Variants in KIF13B observed in about 807,000 individuals in gnomAD.
KIF13B encodes kinesin family member 13B.
KIF13B carries 127 observed loss-of-function variants against 222.0 expected under a neutral mutation model. That is an observed-to-expected ratio of 0.57 (90% confidence interval 0.50 to 0.66). The LOEUF (loss-of-function observed/expected upper bound fraction) is 0.66, where lower values mean the gene tolerates loss of function less well. KIF13B is among the 30% of genes least tolerant of loss of function. KIF13B has a pLI of 0.00. For synonymous variants in KIF13B, 976 were observed against 919.0 expected (o/e 1.06, Z -1.12); for missense variants, 2,173 against 2,379.0 (o/e 0.91, Z 1.80).
At chr8:29,224,224 C>T (rs1317734572) in intron 2 of KIF13B, among the ~76,000 whole-genome samples, 9 of 151,250 alleles carry the variant, frequency 6.0e-5, no homozygotes, top group African/African-American at 9.7e-5. Context: ...AGGATGGTCT[C>T]GATCTCCTGA....
chr8:29,126,575 A>G lies in KIF13B; in HGVS notation c.3223-64T>C, dbSNP rs902170226. 5.8e-5 allele frequency: 55 copies of G among 942,374 alleles called. No homozygotes were observed. The East Asian group carries it at 1.3e-3, about 22-fold the overall frequency. The allele number at this position is 942,374 out of a possible 1,614,324, so 58.4% of individuals were successfully genotyped here. On this transcript the variant is annotated intron_variant, in intron 25 of 39. Transcript: ENST00000524189. ...ATTTATCCAAGAATCAGGCTACGCT[A>G]AACAATCTGACTCTTTACCCATAAT...
chr8:29,086,493 C>G (rs1808054035), intron 37 of KIF13B, among the ~76,000 whole-genome samples: 1 of 152,054 alleles, frequency 6.6e-6, no homozygotes, highest in Admixed American at 6.6e-5. Flanking sequence ...TGCACTCCAG[C>G]CTGAGTGATA....
At chr8:29,119,784 C>T (rs1448295823) in intron 29 of KIF13B, among the ~76,000 whole-genome samples, 1 of 152,162 alleles carries the variant, frequency 6.6e-6, no homozygotes, top group African/African-American at 2.4e-5. Flanking sequence ...ACACCTTCCA[C>T]CCCATCAAGC....
chr8:29,220,496 C>A (rs1367540612), intron 2 of KIF13B, among the ~76,000 whole-genome samples: 1 of 151,662 alleles, frequency 6.6e-6, no homozygotes, highest in African/African-American at 2.4e-5. Context: ...GAGGGGAAGG[C>A]GACAGCTGGT....
chr8:29,263,044 G>A lies in KIF13B; in HGVS notation c.-10C>T, dbSNP rs978174646. ...CTTTGGAGTCCCCCATCCTGCAGCC[G>A]CCGAGGAACTCGTTCGGCTTCCGTC... On this transcript the variant is annotated 5_prime_UTR_variant, in exon 1 of 40. Transcript: ENST00000524189. 11 of 1,588,224 alleles carry A rather than the reference G, an allele frequency of 6.9e-6. No homozygotes were observed. The highest frequency in any genetic ancestry group is 4.1e-5 in the African/African-American group (3 of 72,718).
intron 10 of KIF13B, among the ~76,000 whole-genome samples, chr8:29,168,302 T>C (rs1229175720): frequency 6.6e-6 from 1 of 152,160 alleles, no homozygotes; most frequent in Admixed American, 6.5e-5. Flanking sequence ...TCCAACAGAA[T>C]GAAAAACCAC....
At chr8:29,232,220 T>C (rs1815316837) in intron 2 of KIF13B, among the ~76,000 whole-genome samples, 2 of 151,932 alleles carry the variant, frequency 1.3e-5, no homozygotes, top group South Asian at 2.1e-4. Context: ...ATTGCACTAC[T>C]ACATTCCACT....
intron 10 of KIF13B, among the ~76,000 whole-genome samples, chr8:29,170,114 C>T (rs1453311182): frequency 1.3e-5 from 2 of 152,218 alleles, no homozygotes; most frequent in African/African-American, 4.8e-5. Flanking sequence ...AACTGGCACT[C>T]ATTCAAGGAG....
In KIF13B at chr8:29,233,937, TAGAC is replaced by T. The variant is rs546285570; in HGVS notation, c.149+11405_149+11408del. On this transcript the variant is annotated intron_variant, in intron 2 of 39. Transcript: ENST00000524189. Reference sequence around the variant, plus strand: ...TAATATAAACATTTTTAAAGAAAAATAGACAGTTAAGAGTTAGCACTTTACATTT... The same window carrying T: ...TAATATAAACATTTTTAAAGAAAAATAGTTAAGAGTTAGCACTTTACATTT... 2.2e-3 allele frequency among the ~76,000 whole-genome samples: 338 copies of T among 152,292 alleles called. 1 individual carries two copies. Among genetic ancestry groups the T allele is most frequent in the Non-Finnish European group, 2.7e-3 (186 of 68,010 alleles).
intron 2 of KIF13B, among the ~76,000 whole-genome samples, chr8:29,229,251 G>T (rs982750375): frequency 7.9e-5 from 12 of 152,176 alleles, no homozygotes; most frequent in Admixed American, 2.6e-4. Flanking sequence ...GTTTAGAGAA[G>T]AAACTCTTCT....
intron 12 of KIF13B, among the ~76,000 whole-genome samples, chr8:29,163,565 C>T (rs1586865282): frequency 6.6e-6 from 1 of 152,180 alleles, no homozygotes; most frequent in African/African-American, 2.4e-5. Flanking sequence ...CTTATTAACA[C>T]TTTGTAGCTC....
rs1810732815 is a variant in KIF13B at position 29,139,899 on chromosome 8, A to G, written c.2613+164T>C. ...TGGGGGAGGCTCTGCTCTACTTCCAAAATTTGAAAAGGAACATAATACTTA... is the reference window on the plus strand; with the variant it reads ...TGGGGGAGGCTCTGCTCTACTTCCAGAATTTGAAAAGGAACATAATACTTA... On this transcript the variant is annotated intron_variant, in intron 21 of 39. Coordinates refer to ENST00000524189, the MANE Select transcript of KIF13B (RefSeq NM_015254.4). 6 of 657,664 alleles carry G rather than the reference A, an allele frequency of 9.1e-6. No individual in the cohort carries two copies. The East Asian group carries it at 1.8e-4, about 20-fold the overall frequency. The allele number at this position is 657,664 out of a possible 1,614,324, so 40.7% of individuals were successfully genotyped here. A position where few individuals can be genotyped will look rare whatever the true frequency, so the allele number is the denominator to read the frequency against.
chr8:29,248,778 A>T (rs986639774), intron 1 of KIF13B, among the ~76,000 whole-genome samples: 1 of 152,260 alleles, frequency 6.6e-6, no homozygotes, highest in African/African-American at 2.4e-5. Flanking sequence ...GAAAAAAGCC[A>T]GTCATCAAAA....
chr8:29,165,626 G>C (rs376659460), intron 12 of KIF13B, 36 bp downstream of exon 12: 1 of 1,361,598 alleles, frequency 7.3e-7, no homozygotes, highest in African/African-American at 1.4e-5. Flanking sequence ...AAACTGCCAT[G>C]AGGTTTCATG....
intron 18 of KIF13B, among the ~76,000 whole-genome samples, chr8:29,144,744 A>G (rs140230711): frequency 0.01 from 1,567 of 152,328 alleles, 16 homozygotes; most frequent in African/African-American, 0.022. Context: ...AAAACTGGAA[A>G]TAAGAAAAAA....
chr8:29,127,874 T>C (rs1333569220), intron 24 of KIF13B, among the ~76,000 whole-genome samples: 2 of 152,090 alleles, frequency 1.3e-5, no homozygotes, highest in Admixed American at 1.3e-4. Context: ...GAATATTTTA[T>C]ACATTCAATA....
intron 12 of KIF13B, among the ~76,000 whole-genome samples, chr8:29,164,613 T>A (rs1314930544): frequency 6.6e-6 from 1 of 152,060 alleles, no homozygotes; most frequent in Non-Finnish European, 1.5e-5. Flanking sequence ...GGCCAGTGAG[T>A]AGAAGTAAAA....
chr8:29,096,555 GCTACAGGTGGGAGCTACCGCACCCGGC>G (rs1808541443), intron 36 of KIF13B, among the ~76,000 whole-genome samples: 2 of 152,100 alleles, frequency 1.3e-5, no homozygotes, highest in Non-Finnish European at 2.9e-5. Flanking sequence ...AAGTGCTAGG[GCTACAGGTGGGAGCTACCGCACCCGGC>G]CTACAGGTGG....
In KIF13B at chr8:29,071,542, T is replaced by TC; in HGVS notation, c.5218+77dup. The stretch of plus-strand genomic sequence containing the variant: ...CCCTCCCTCTCCTGCCCGGACCCTG[T>TC]CCCCTCCCAGGCCGGCCACGTTCCT... On this transcript the variant is annotated intron_variant, in intron 39 of 39. Transcript: ENST00000524189. This position sits in a 1 kb window ranked among gnomAD's most constrained non-coding sequence, Gnocchi z 4.9. 1 of 1,316,032 alleles carries TC rather than the reference T, an allele frequency of 7.6e-7. No individual in the cohort carries two copies. Among genetic ancestry groups the TC allele is most frequent in the Non-Finnish European group, 1.1e-6 (1 of 948,274 alleles). The allele number at this position is 1,316,032 out of a possible 1,614,324, so 81.5% of individuals were successfully genotyped here. A position where few individuals can be genotyped will look rare whatever the true frequency, so the allele number is the denominator to read the frequency against.
Sources: allele counts gnomAD v4.1 joint callset (sites outside exome capture counted in the v4.1 genomes callset), GRCh38; gene constraint gnomAD v4.1.1; non-coding constraint Gnocchi (gnomAD v3.1); transcripts MANE v1.5; gene names NCBI Gene and HGNC (gene_info 2026-07-23, HGNC 2026-07-21).